ACOT7: variants seen among roughly 807,000 people sequenced by gnomAD.
ACOT7 encodes cytosolic acyl coenzyme A thioester hydrolase.
Under a neutral mutation model 40.2 loss-of-function variants are expected in ACOT7, and 12 were observed. The observed-to-expected ratio is 0.30, with a 90% CI of 0.19 to 0.48. The LOEUF (loss-of-function observed/expected upper bound fraction) is 0.48. ACOT7 is among the 20% of genes least tolerant of loss of function. ACOT7 has a pLI of 0.99. For synonymous variants in ACOT7, 228 were observed against 219.5 expected, an observed-to-expected ratio of 1.04 and a Z score of -0.34; for missense variants, 395 against 530.8, an observed-to-expected ratio of 0.74 and a Z score of 2.51.
chr1:6,352,060 T>C lies in ACOT7; in HGVS notation c.144-2194A>G, dbSNP rs919738655. 6.6e-6 allele frequency among the ~76,000 whole-genome samples: 1 copy of C among 152,092 alleles called. No individual in the cohort carries two copies. The highest frequency in any genetic ancestry group is 1.5e-5 in the Non-Finnish European group (1 of 67,996). On this transcript the variant is annotated intron_variant, in intron 1 of 8. Transcript: ENST00000361521. The surrounding 1 kb of genome is among the most constrained non-coding windows in gnomAD (Gnocchi z 4.5). ...GGCCTGGCCGCCTTTCTTCGGCACC[T>C]TGGGTCCTGCACCAAGGACCATCCT...
In ACOT7 at chr1:6,294,801, G is replaced by T; in HGVS notation, c.829+63C>A. ...CCTGGGTGTGAACAGAAAACAAACT[G>T]GTGCAGGGACCCAAGCAGCCGAGGG... On this transcript the variant is annotated intron_variant, in intron 7 of 8. Coordinates refer to ENST00000361521, the MANE Select transcript of ACOT7 (RefSeq NM_007274.4). This position sits in a 1 kb window ranked among gnomAD's most constrained non-coding sequence, Gnocchi z 4.6. 7.3e-7 allele frequency: 1 copy of T among 1,362,566 alleles called. No individual in the cohort carries two copies. The highest frequency in any genetic ancestry group is 1.0e-6 in the Non-Finnish European group (1 of 958,834). The allele number at this position is 1,362,566 out of a possible 1,614,324, so 84.4% of individuals were successfully genotyped here. A position where few individuals can be genotyped will look rare whatever the true frequency, so the allele number is the denominator to read the frequency against.
Position 6,355,748 on chromosome 1 carries a change from C to T in ACOT7, c.144-5882G>A, listed in dbSNP as rs1356906438. ...ACTCAGATCTCATCACACCAGAGGC[C>T]GGCCAGCACTCATCCCAAGAGCGCC... is the stretch of plus-strand genomic sequence containing the variant. On this transcript the variant is annotated intron_variant, in intron 1 of 8. Transcript: ENST00000361521. The surrounding 1 kb of genome is among the most constrained non-coding windows in gnomAD (Gnocchi z 5.0). 2.0e-5 allele frequency among the ~76,000 whole-genome samples: 3 copies of T among 152,240 alleles called. No homozygotes were observed. Among genetic ancestry groups the T allele is most frequent in the African/African-American group, 7.2e-5 (3 of 41,462 alleles).
chr1:6,294,869 C>T lies in ACOT7; in HGVS notation c.824G>A (p.Arg275Lys). Residue 275 changes from arginine to lysine, a missense_variant, in exon 7 of 9, where the codon AGA (arginine) becomes AAA (lysine). Physicochemically the swap from Arg to Lys is conservative, Grantham distance 26. Coordinates refer to ENST00000361521, the MANE Select transcript of ACOT7 (RefSeq NM_007274.4). The surrounding 1 kb of genome is among the most constrained non-coding windows in gnomAD (Gnocchi z 4.6). ...TTTGCCAGAAGAGTGGTTACCTTTT[C>T]TGATCTTGTCATGAAAATTAATGGC... ...VDAINFHDKIRKGCVITISGR... is the reference protein window; with the variant it reads ...VDAINFHDKIKKGCVITISGR... 6.2e-7 allele frequency: 1 copy of T among 1,613,902 alleles called. No homozygotes were observed. Among genetic ancestry groups the T allele is most frequent in the Non-Finnish European group, 8.5e-7 (1 of 1,179,852 alleles).
intron 1 of ACOT7, among the ~76,000 whole-genome samples, chr1:6,357,949 C>T (rs1044726436): frequency 4.6e-5 from 7 of 151,766 alleles, no homozygotes; most frequent in Admixed American, 1.3e-4. Flanking sequence ...TCTCTGCAAC[C>T]TCCACCTCCC....
chr1:6,273,266 C>G (rs535593502), intron 8 of ACOT7, among the ~76,000 whole-genome samples: 1 of 152,308 alleles, frequency 6.6e-6, no homozygotes, highest in East Asian at 1.9e-4. Flanking sequence ...AAGGCGAGAG[C>G]CAGGCTGGAG....
In ACOT7 at chr1:6,289,203, G is replaced by A. The variant is rs535610405; in HGVS notation, c.829+5661C>T. On this transcript the variant is annotated intron_variant, in intron 7 of 8. Coordinates refer to ENST00000361521, the MANE Select transcript of ACOT7 (RefSeq NM_007274.4). The surrounding 1 kb of genome is among the most constrained non-coding windows in gnomAD (Gnocchi z 4.6). ...CAACATCTGCCTCTCAGGTTCAAGC[G>A]ATTCTCCTACCTCAGCCCCCCGAGT... Among the ~76,000 whole-genome samples, 13 of 152,208 alleles carry A rather than the reference G, an allele frequency of 8.5e-5. No homozygotes were observed. The highest frequency in any genetic ancestry group is 3.4e-3 in the Middle Eastern group (1 of 294).
chr1:6,388,262 G>A (rs1642473256), intron 1 of ACOT7, among the ~76,000 whole-genome samples: 1 of 151,770 alleles, frequency 6.6e-6, no homozygotes, highest in Non-Finnish European at 1.5e-5. Context: ...GGCGCACACC[G>A]CCACGCCCGC....
intron 5 of ACOT7, among the ~76,000 whole-genome samples, chr1:6,320,558 A>G (rs540545762): frequency 1.3e-5 from 2 of 152,294 alleles, no homozygotes; most frequent in African/African-American, 4.8e-5. Context: ...GTTACCTTGG[A>G]AAGGGACAGA....
In ACOT7 at chr1:6,358,969, C is replaced by G; in HGVS notation, c.144-9103G>C. The G allele has an allele frequency of 6.9e-7, 1 of 1,456,748 alleles. No individual in the cohort carries two copies. The allele number at this position is 1,456,748 out of a possible 1,614,324, so 90.2% of individuals were successfully genotyped here. A position where few individuals can be genotyped will look rare whatever the true frequency, so the allele number is the denominator to read the frequency against. ...CCACACCGGGCTTGGTGGGGAGCACCCCCCACCCCCAGCTTCCTGAGCTGC... is the reference window on the plus strand; with the variant it reads ...CCACACCGGGCTTGGTGGGGAGCACGCCCCACCCCCAGCTTCCTGAGCTGC... On this transcript the variant is annotated intron_variant, in intron 1 of 8. Transcript: ENST00000361521. The surrounding 1 kb of genome is among the most constrained non-coding windows in gnomAD (Gnocchi z 4.1).
chr1:6,345,039 C>T (rs984945025), intron 2 of ACOT7, among the ~76,000 whole-genome samples: 2 of 152,090 alleles, frequency 1.3e-5, no homozygotes, highest in Non-Finnish European at 2.9e-5. Context: ...CCAGGGAGTC[C>T]CTGAAGGCCA....
chr1:6,291,656 T>C (rs995240362), intron 7 of ACOT7, among the ~76,000 whole-genome samples: 1 of 152,126 alleles, frequency 6.6e-6, no homozygotes, highest in Non-Finnish European at 1.5e-5. Context: ...TCCACAATAA[T>C]GTGTGCCCCC....
At position 6,318,445 on chromosome 1, in the gene ACOT7, A is replaced by G. The variant is rs2148421382; in HGVS notation, c.712+47T>C. ...CAGCACGGCTGCCAGAGAAGCAACA[A>G]TGAGCCAAGGGACAGGAATGGAGTG... On this transcript the variant is annotated intron_variant, in intron 6 of 8. Transcript: ENST00000361521. 1.9e-6 allele frequency: 3 copies of G among 1,586,580 alleles called. No individual in the cohort carries two copies. In the East Asian group the frequency reaches 6.7e-5, roughly 36 times the overall value.
In ACOT7 at chr1:6,355,998, T is replaced by C. The variant is rs1466072039; in HGVS notation, c.144-6132A>G. 6.6e-6 allele frequency among the ~76,000 whole-genome samples: 1 copy of C among 152,162 alleles called. No individual in the cohort carries two copies. The highest frequency in any genetic ancestry group is 1.5e-5 in the Non-Finnish European group (1 of 68,034). Reference sequence around the variant, plus strand: ...CATGGAGCCTGAGTACTGGGTTGAATTGTGTCCCCCAAAAGATGTGTTTGA... The same window carrying C: ...CATGGAGCCTGAGTACTGGGTTGAACTGTGTCCCCCAAAAGATGTGTTTGA... On this transcript the variant is annotated intron_variant, in intron 1 of 8. Transcript: ENST00000361521. This position sits in a 1 kb window ranked among gnomAD's most constrained non-coding sequence, Gnocchi z 5.0.
intron 1 of ACOT7, chr1:6,385,631 C>T (rs1642425148): frequency 6.2e-7 from 1 of 1,612,344 alleles, no homozygotes; most frequent in Non-Finnish European, 8.5e-7. Context: ...GCCTCCCAAA[C>T]TCACAGAGCC....
At chr1:6,370,445 T>C (rs1642106783) in intron 1 of ACOT7, among the ~76,000 whole-genome samples, 1 of 149,812 alleles carries the variant, frequency 6.7e-6, no homozygotes, top group Non-Finnish European at 1.5e-5. Flanking sequence ...CTATTGTCAA[T>C]GAGCAGTGTT....
chr1:6,339,295 G>A (rs2148444497), intron 3 of ACOT7, 138 bp downstream of exon 3: 1 of 1,223,942 alleles, frequency 8.2e-7, no homozygotes. Context: ...CTGCTCCCAG[G>A]GCCATGGTGG....
intron 4 of ACOT7, among the ~76,000 whole-genome samples, chr1:6,331,958 C>T (rs925375708): frequency 6.6e-6 from 1 of 152,108 alleles, no homozygotes; most frequent in Non-Finnish European, 1.5e-5. Context: ...CAGCAGGGAC[C>T]GAGGCCCCAT....
At chr1:6,376,080 C>A (rs1383650196) in intron 1 of ACOT7, among the ~76,000 whole-genome samples, 2 of 151,902 alleles carry the variant, frequency 1.3e-5, no homozygotes, top group Admixed American at 1.3e-4. Context: ...CATGGTGAAA[C>A]CCTGTCTCTA....
intron 6 of ACOT7, among the ~76,000 whole-genome samples, chr1:6,296,086 G>C (rs920668534): frequency 6.6e-6 from 1 of 152,006 alleles, no homozygotes; most frequent in Admixed American, 6.6e-5. Flanking sequence ...GTTGTAGATG[G>C]GGTCTTGCTA....
Sources: gnomAD v4.1 joint callset for allele counts (sites outside exome capture counted in the v4.1 genomes callset) on GRCh38, gnomAD v4.1.1 for gene constraint, Gnocchi (gnomAD v3.1) non-coding constraint, MANE v1.5 for transcripts, NCBI Gene and HGNC (gene_info 2026-07-23, HGNC 2026-07-21) for gene names.